Variants in GALNT17 observed in about 807,000 individuals in gnomAD.
The protein encoded by GALNT17 is UDP-GalNAc:polypeptide N-acetylgalactosaminyltransferase-like 3.
A neutral mutation model predicts 63.7 loss-of-function variants in GALNT17; 29 were observed. The observed-to-expected ratio is 0.46, with a 90% CI of 0.34 to 0.62. The LOEUF (loss-of-function observed/expected upper bound fraction) is 0.62, where lower values mean the gene tolerates loss of function less well. GALNT17 is among the 20% of genes least tolerant of loss of function. GALNT17 has a pLI of 0.01. For missense variants in GALNT17, 603 were observed against 799.6 expected (o/e 0.75, Z 2.97); for synonymous variants, 305 against 318.3 (o/e 0.96, Z 0.45).
At chr7:71,688,255 T>C (rs1791390975) in intron 9 of GALNT17, among the ~76,000 whole-genome samples, 1 of 152,234 alleles carries the variant, frequency 6.6e-6, no homozygotes, top group South Asian at 2.1e-4. Flanking sequence ...ACAGCCTTTT[T>C]TGTTGTTGCT....
intron 9 of GALNT17, among the ~76,000 whole-genome samples, chr7:71,681,014 C>T (rs1014864973): frequency 1.3e-5 from 2 of 152,066 alleles, no homozygotes; most frequent in Non-Finnish European, 2.9e-5. Context: ...CTCCTCCTGC[C>T]TCAGCCTCCT....
chr7:71,361,054 C>G (rs1187488281), intron 2 of GALNT17, among the ~76,000 whole-genome samples: 2 of 152,126 alleles, frequency 1.3e-5, no homozygotes, highest in Non-Finnish European at 2.9e-5. Context: ...TCAACAAGCT[C>G]TTATTGAATA....
intron 1 of GALNT17, among the ~76,000 whole-genome samples, chr7:71,278,890 C>T (rs1419613527): frequency 1.3e-5 from 2 of 151,692 alleles, no homozygotes; most frequent in Non-Finnish European, 2.9e-5. Context: ...ACCTTCTTCC[C>T]TCTGTGTATC....
chr7:71,592,567 A>C (rs539967534), intron 6 of GALNT17, among the ~76,000 whole-genome samples: 25 of 140,600 alleles, frequency 1.8e-4, no homozygotes, highest in South Asian at 1.1e-3. Flanking sequence ...AGCATACTAA[A>C]ATAAAATAAA....
intron 1 of GALNT17, among the ~76,000 whole-genome samples, chr7:71,309,730 A>T (rs999849703): frequency 5.3e-5 from 8 of 152,122 alleles, no homozygotes; most frequent in African/African-American, 1.9e-4. Flanking sequence ...GAGAGTGGGG[A>T]TGAATTTGGG....
chr7:71,671,404 A>G (rs761123079), intron 8 of GALNT17, among the ~76,000 whole-genome samples: 2 of 152,190 alleles, frequency 1.3e-5, no homozygotes, highest in African/African-American at 4.8e-5. Flanking sequence ...TTTTTCTACA[A>G]CTGTGGATTT....
At chr7:71,584,609 A>C (rs1789687790) in intron 6 of GALNT17, among the ~76,000 whole-genome samples, 1 of 152,176 alleles carries the variant, frequency 6.6e-6, no homozygotes, top group South Asian at 2.1e-4. Flanking sequence ...TTTCTCAAAA[A>C]TATTTCTCAA....
chr7:71,358,977 G>C (rs562038903), intron 2 of GALNT17, among the ~76,000 whole-genome samples: 1 of 152,212 alleles, frequency 6.6e-6, no homozygotes, highest in Non-Finnish European at 1.5e-5. Context: ...GTTTCGCCAT[G>C]CTGGCCAGGC....
chr7:71,455,122 A>G (rs1200646804), intron 5 of GALNT17, among the ~76,000 whole-genome samples: 1 of 151,962 alleles, frequency 6.6e-6, no homozygotes, highest in East Asian at 1.9e-4. Context: ...GAGCCATGAC[A>G]CATCACTGCA....
intron 1 of GALNT17, among the ~76,000 whole-genome samples, chr7:71,199,105 G>A (rs147357770): frequency 1.7e-3 from 255 of 152,296 alleles, no homozygotes; most frequent in African/African-American, 6.1e-3. Context: ...AGATACATCT[G>A]TCTTATCTGT....
intron 6 of GALNT17, among the ~76,000 whole-genome samples, chr7:71,588,877 A>G (rs1178849522): frequency 6.6e-6 from 1 of 152,102 alleles, no homozygotes; most frequent in East Asian, 1.9e-4. Context: ...AAGAAAAAAA[A>G]AAATCCTCCA....
At chr7:71,275,433 G>A (rs767540329) in intron 1 of GALNT17, among the ~76,000 whole-genome samples, 17 of 152,118 alleles carry the variant, frequency 1.1e-4, no homozygotes, top group Non-Finnish European at 2.4e-4. Context: ...AAATTCCCAG[G>A]CCCCACCTTC....
intron 2 of GALNT17, among the ~76,000 whole-genome samples, chr7:71,354,305 C>CT (rs1374709508): frequency 1.3e-5 from 2 of 152,164 alleles, no homozygotes; most frequent in African/African-American, 4.8e-5. Flanking sequence ...CCTTTCCTGT[C>CT]TTTGACAGAA....
chr7:71,168,075 T>C (rs1377112491), intron 1 of GALNT17, among the ~76,000 whole-genome samples: 2 of 152,244 alleles, frequency 1.3e-5, no homozygotes, highest in Non-Finnish European at 2.9e-5. Flanking sequence ...TTTTTACATA[T>C]AGATATCCAG....
At chr7:71,351,337 A>G (rs77972693) in intron 2 of GALNT17, among the ~76,000 whole-genome samples, 2,163 of 152,226 alleles carry the variant, frequency 0.014, 27 homozygotes, top group Middle Eastern at 0.027. Flanking sequence ...ATTGTGGGCA[A>G]TGAATCTGGG....
intron 2 of GALNT17, among the ~76,000 whole-genome samples, chr7:71,367,369 C>A (rs1792531913): frequency 6.6e-6 from 1 of 152,030 alleles, no homozygotes; most frequent in African/African-American, 2.4e-5. Context: ...CATGGGTTTA[C>A]CTTGACATGT....
intron 1 of GALNT17, among the ~76,000 whole-genome samples, chr7:71,315,853 G>A (rs1156241452): frequency 6.6e-6 from 1 of 152,076 alleles, no homozygotes; most frequent in East Asian, 1.9e-4. Context: ...CAGAGGTGGA[G>A]GATAACTGGG....
At chr7:71,479,235 C>T (rs994722382) in intron 5 of GALNT17, among the ~76,000 whole-genome samples, 2 of 151,694 alleles carry the variant, frequency 1.3e-5, no homozygotes, top group African/African-American at 4.9e-5. Context: ...TTCATGATGA[C>T]TCTATGCATG....
intron 5 of GALNT17, among the ~76,000 whole-genome samples, chr7:71,516,737 A>G (rs1788451513): frequency 6.6e-6 from 1 of 152,182 alleles, no homozygotes; most frequent in African/African-American, 2.4e-5. Context: ...AGCCTGTGCC[A>G]TGGATGCTCT....
Sources: allele counts gnomAD v4.1 joint callset (sites outside exome capture counted in the v4.1 genomes callset), GRCh38; gene constraint gnomAD v4.1.1; transcripts MANE v1.5; gene names NCBI Gene and HGNC (gene_info 2026-07-23, HGNC 2026-07-21).